DMD: variants seen among roughly 807,000 people sequenced by gnomAD.
DMD encodes dystrophin.
In DMD, 63 loss-of-function variants were observed where a neutral mutation model predicts 330.1. The ratio of observed to expected loss-of-function variants is 0.19; its 90% CI spans 0.16 to 0.24. The LOEUF is 0.24. DMD is among the 10% of genes least tolerant of loss of function. DMD has a pLI of 1.00. For missense variants in DMD, 3,344 were observed against 2,684.1 expected (o/e 1.25, Z -5.43); for synonymous variants, 1,223 against 959.8 (o/e 1.27, Z -5.07).
chrX:32,369,860 T>C (rs2097867237), intron 34 of DMD, among the ~76,000 whole-genome samples: 1 of 111,302 alleles, frequency 9.0e-6, no homozygotes, highest in Non-Finnish European at 1.9e-5. Flanking sequence ...ATCATTTCCT[T>C]ATAGATTCCT....
At chrX:31,718,902 T>G (rs2085263368) in intron 52 of DMD, among the ~76,000 whole-genome samples, 1 of 111,908 alleles carries the variant, frequency 8.9e-6, no homozygotes, top group South Asian at 3.7e-4. Context: ...GGATCCCAGT[T>G]TTACAGATGA....
At chrX:31,904,913 AT>A (rs1351848195) in intron 47 of DMD, among the ~76,000 whole-genome samples, 3 of 112,197 alleles carry the variant, frequency 2.7e-5, no homozygotes, top group Non-Finnish European at 5.6e-5. Flanking sequence ...ACATAATATT[AT>A]AATCTTTTTA....
chrX:31,566,678 T>C (rs940317199), intron 55 of DMD, among the ~76,000 whole-genome samples: 21 of 111,688 alleles, frequency 1.9e-4, no homozygotes, highest in African/African-American at 6.5e-4. Flanking sequence ...ACCTTTAGAT[T>C]GATTTGAGAA....
intron 2 of DMD, among the ~76,000 whole-genome samples, chrX:32,857,538 T>A (rs569838713): frequency 8.9e-6 from 1 of 112,175 alleles, no homozygotes; most frequent in African/African-American, 3.2e-5. Flanking sequence ...CATCAAAAAA[T>A]AATCTTATGC....
intron 60 of DMD, among the ~76,000 whole-genome samples, chrX:31,362,900 A>T (rs948012363): frequency 2.7e-5 from 3 of 112,823 alleles, no homozygotes; most frequent in African/African-American, 9.7e-5. Flanking sequence ...CAGTGAGCCG[A>T]GATCGTGCCA....
At chrX:32,980,104 G>A (rs770617227) in intron 2 of DMD, among the ~76,000 whole-genome samples, 1 of 110,360 alleles carries the variant, frequency 9.1e-6, no homozygotes, top group East Asian at 2.9e-4. Context: ...GGTGGTTCAC[G>A]CCTGTAATCC....
chrX:32,910,064 A>T (rs1277651160), intron 2 of DMD, among the ~76,000 whole-genome samples: 25 of 111,909 alleles, frequency 2.2e-4, no homozygotes, highest in Admixed American at 2.1e-3. Context: ...TATTTCTAAA[A>T]TTTCTAATCC....
At chrX:32,088,725 ATAAT>A (rs2096456777) in intron 44 of DMD, among the ~76,000 whole-genome samples, 1 of 107,968 alleles carries the variant, frequency 9.3e-6, no homozygotes, top group Non-Finnish European at 1.9e-5. Context: ...CAGAAGTTCC[ATAAT>A]TAATAATCTA....
chrX:32,669,463 A>C (rs1254435680), intron 9 of DMD, among the ~76,000 whole-genome samples: 1 of 111,968 alleles, frequency 8.9e-6, no homozygotes, highest in Non-Finnish European at 1.9e-5. Flanking sequence ...ACAGATAGAT[A>C]GATCGATCAA....
In DMD at chrX:33,272,763, G is replaced by T. The variant is rs768738186; in HGVS notation, c.7+66496C>A. ...GTTATCTCCACATTGTTCTGGGAAAGAATTGAGACATTACTGGGTCAAATC... is the reference window on the plus strand; with the variant it reads ...GTTATCTCCACATTGTTCTGGGAAATAATTGAGACATTACTGGGTCAAATC... On this transcript the variant is annotated intron_variant, in intron 1 of 17. Transcript: ENST00000288447. Among the ~76,000 whole-genome samples the T allele has an allele frequency of 5.4e-5, 6 of 110,941 alleles. No homozygotes were observed. The East Asian group carries it at 1.7e-3, about 32-fold the overall frequency.
intron 1 of DMD, among the ~76,000 whole-genome samples, chrX:33,269,117 A>G (rs2053105527): frequency 9.0e-6 from 1 of 111,030 alleles, no homozygotes; most frequent in African/African-American, 3.3e-5. Context: ...AGATCATTTT[A>G]TCAAAAAGAC....
At chrX:31,237,782 T>C (rs2047874578) in intron 63 of DMD, among the ~76,000 whole-genome samples, 2 of 111,873 alleles carry the variant, frequency 1.8e-5, no homozygotes, top group African/African-American at 6.5e-5. Context: ...TGCAGTGGCA[T>C]GATCTCGGCT....
intron 64 of DMD, among the ~76,000 whole-genome samples, chrX:31,214,770 CA>C (rs67299356): frequency 0.23 from 24,398 of 108,289 alleles, 2,274 homozygotes; most frequent in East Asian, 0.53. Flanking sequence ...ACTGTGAAAT[CA>C]AAAAATTGTT....
intron 11 of DMD, among the ~76,000 whole-genome samples, chrX:32,633,818 G>C (rs184246513): frequency 9.0e-6 from 1 of 111,067 alleles, no homozygotes; most frequent in African/African-American, 3.3e-5. Flanking sequence ...GAGTGAGAGG[G>C]AGGGTGCCAC....
intron 1 of DMD, among the ~76,000 whole-genome samples, chrX:33,098,906 A>G (rs1306993765): frequency 8.9e-6 from 1 of 111,767 alleles, no homozygotes; most frequent in African/African-American, 3.3e-5. Context: ...GCAGAGGAGA[A>G]CAAAGGAAGG....
At chrX:31,266,987 G>A (rs1244072107) in intron 62 of DMD, 1 of 855,658 alleles carries the variant, frequency 1.2e-6, no homozygotes, top group Non-Finnish European at 1.6e-6. Flanking sequence ...CGGGGAGGGG[G>A]CGCTGCGGGC....
chrX:32,668,494 G>A (rs16990570), intron 9 of DMD, among the ~76,000 whole-genome samples: 9 of 111,693 alleles, frequency 8.1e-5, no homozygotes, highest in Non-Finnish European at 1.1e-4. Flanking sequence ...GGCTTAAAAG[G>A]TTCCTTCGCA....
intron 62 of DMD, among the ~76,000 whole-genome samples, chrX:31,287,657 T>C (rs1056889987): frequency 8.9e-6 from 1 of 112,376 alleles, no homozygotes; most frequent in Non-Finnish European, 1.9e-5. Flanking sequence ...AGGACAGGTA[T>C]AAATCCTCTT....
chrX:32,782,971 T>C (rs927599603), intron 7 of DMD, among the ~76,000 whole-genome samples: 1 of 103,192 alleles, frequency 9.7e-6, no homozygotes, highest in Non-Finnish European at 2.0e-5. Flanking sequence ...CACACACACA[T>C]ATATATACCT....
Sources: gnomAD v4.1 joint callset for allele counts (sites outside exome capture counted in the v4.1 genomes callset) on GRCh38, gnomAD v4.1.1 for gene constraint, MANE v1.5 for transcripts, NCBI Gene and HGNC (gene_info 2026-07-23, HGNC 2026-07-21) for gene names.